The following NPIPB7 variants were observed in gnomAD, a reference collection of about 807,000 sequenced individuals.
NPIPB7 encodes the protein nuclear pore complex-interacting protein family member B7.
For synonymous variants in NPIPB7, 9 were observed against 88.1 expected (o/e 0.10, Z 5.03); for missense variants, 14 against 238.5 (o/e 0.06, Z 6.20).
At chr16:28,463,938 G>C (rs1457288185) in intron 2 of NPIPB7, among the ~76,000 whole-genome samples, 3 of 63,274 alleles carry the variant, frequency 4.7e-5, no homozygotes, top group Non-Finnish European at 7.0e-5. Flanking sequence ...GGGAGGCTGA[G>C]GCAGGAGAAC....
upstream of NPIPB7, among the ~76,000 whole-genome samples, chr16:28,471,529 T>TA (rs1376767067): frequency 1.3e-5 from 1 of 79,520 alleles, no homozygotes; most frequent in Non-Finnish European, 2.4e-5. Flanking sequence ...AGTCAATGAT[T>TA]AAAAGCTAAT....
chr16:28,470,904 C>T (rs1182543033), upstream of NPIPB7, among the ~76,000 whole-genome samples: 9 of 113,638 alleles, frequency 7.9e-5, no homozygotes, highest in African/African-American at 2.2e-4. Flanking sequence ...AAACCTTCTT[C>T]GGTCTGGGCC....
At chr16:28,464,927 G>T (rs1220297665) in intron 2 of NPIPB7, among the ~76,000 whole-genome samples, 1 of 144,828 alleles carries the variant, frequency 6.9e-6, no homozygotes, top group Admixed American at 6.9e-5. Context: ...GAGCAACCAC[G>T]TCAATCCCAC....
upstream of NPIPB7, among the ~76,000 whole-genome samples, chr16:28,470,832 G>A (rs1467778110): frequency 7.3e-6 from 1 of 136,390 alleles, no homozygotes; most frequent in African/African-American, 2.7e-5. Flanking sequence ...AGGACACGCG[G>A]GGCAAGGGAG....
chr16:28,472,015 G>T (rs2045953958), upstream of NPIPB7, among the ~76,000 whole-genome samples: 1 of 152,112 alleles, frequency 6.6e-6, no homozygotes, highest in South Asian at 2.1e-4. Flanking sequence ...GAGCAACAGA[G>T]CGAGACTCCG....
At chr16:28,472,032 A>C (rs1430155111), upstream of NPIPB7, among the ~76,000 whole-genome samples, 1 of 150,250 alleles carries the variant, frequency 6.7e-6, no homozygotes, top group Non-Finnish European at 1.5e-5. Context: ...TCCGTCTCCA[A>C]AAAAAAAAAG....
intron 1 of NPIPB7, among the ~76,000 whole-genome samples, chr16:28,468,461 A>G (rs1382406486): frequency 2.7e-5 from 4 of 150,594 alleles, no homozygotes; most frequent in Non-Finnish European, 4.5e-5. Flanking sequence ...AAAAAAAAAT[A>G]CAATGAAGAG....
At chr16:28,462,104 G>C (rs1227215282) in intron 4 of NPIPB7, among the ~76,000 whole-genome samples, 1 of 146,392 alleles carries the variant, frequency 6.8e-6, no homozygotes, top group African/African-American at 2.6e-5. Context: ...GCGACAGAGC[G>C]AGATTCTATC....
rs200437766 is a variant in NPIPB7, at chr16:28,469,113, G to A, written c.66+1260C>T. On this transcript the variant is annotated intron_variant, in intron 1 of 6. Coordinates refer to ENST00000452313, the Ensembl canonical transcript of NPIPB7. ...TGCTGAGTCTGAAATGGAAATGATGGAGTTAGAGAACCATACAACAATGGT... is the reference window on the plus strand; with the variant it reads ...TGCTGAGTCTGAAATGGAAATGATGAAGTTAGAGAACCATACAACAATGGT... Among the ~76,000 whole-genome samples the A allele has an allele frequency of 1.4e-4, 16 of 111,144 alleles. No individual in the cohort carries two copies. In the East Asian group the frequency reaches 2.5e-3, roughly 17 times the overall value. The allele number at this position is 111,144 out of a possible 152,430, so 72.9% of individuals were successfully genotyped here. A position where few individuals can be genotyped will look rare whatever the true frequency, so the allele number is the denominator to read the frequency against.
At chr16:28,471,970 C>T (rs1222428532), upstream of NPIPB7, among the ~76,000 whole-genome samples, 1 of 152,066 alleles carries the variant, frequency 6.6e-6, no homozygotes. Flanking sequence ...ATGGAGTTTG[C>T]AGTGAGCTGA....
intron 2 of NPIPB7, among the ~76,000 whole-genome samples, chr16:28,465,590 CT>C (rs2045901891): frequency 7.5e-6 from 1 of 133,246 alleles, no homozygotes; most frequent in Non-Finnish European, 1.6e-5. Context: ...GCCTAGATAT[CT>C]TCATAACTCA....
At chr16:28,470,696 G>C (rs1008354969), upstream of NPIPB7, 1 of 569,694 alleles carries the variant, frequency 1.8e-6, no homozygotes, top group African/African-American at 1.9e-5. Context: ...GGGGGCTGTT[G>C]GGCACCTGGA....
At chr16:28,472,215 C>A (rs1305389103), upstream of NPIPB7, among the ~76,000 whole-genome samples, 1 of 152,010 alleles carries the variant, frequency 6.6e-6, no homozygotes, top group East Asian at 1.9e-4. Flanking sequence ...GAGTTTGAGA[C>A]CAGACTGGGC....
intron 2 of NPIPB7, among the ~76,000 whole-genome samples, chr16:28,464,963 G>T: frequency 7.6e-6 from 1 of 131,252 alleles, no homozygotes; most frequent in Non-Finnish European, 1.6e-5. Context: ...TCATAGGAAA[G>T]GTAGCTGGCC....
intron 2 of NPIPB7, among the ~76,000 whole-genome samples, chr16:28,464,470 C>T (rs2045892680): frequency 6.6e-6 from 1 of 152,038 alleles, no homozygotes; most frequent in Admixed American, 6.6e-5. Flanking sequence ...GGTCAGATAC[C>T]TATGAATGTC....
upstream of NPIPB7, among the ~76,000 whole-genome samples, chr16:28,472,030 CAA>C (rs944388852): frequency 7.0e-6 from 1 of 142,490 alleles, no homozygotes; most frequent in Admixed American, 7.0e-5. Context: ...ACTCCGTCTC[CAA>C]AAAAAAAAAG....
upstream of NPIPB7, among the ~76,000 whole-genome samples, chr16:28,470,808 A>G (rs1347945528): frequency 9.6e-5 from 14 of 145,318 alleles, no homozygotes; most frequent in Admixed American, 3.4e-4. Context: ...CACGGAGAAG[A>G]TCAGGGAAGC....
chr16:28,463,429 A>ACACG (rs2045884081), intron 2 of NPIPB7, among the ~76,000 whole-genome samples: 1 of 112,876 alleles, frequency 8.9e-6, no homozygotes, highest in African/African-American at 3.5e-5. Context: ...ACACACACAC[A>ACACG]CACAAGAATG....
intron 4 of NPIPB7, among the ~76,000 whole-genome samples, chr16:28,462,217 C>T (rs1408228161): frequency 4.7e-5 from 7 of 148,954 alleles, no homozygotes; most frequent in African/African-American, 1.5e-4. Flanking sequence ...GTCAGAAGTT[C>T]GAGACCAGCC....
Sources: gnomAD v4.1 joint callset for allele counts (sites outside exome capture counted in the v4.1 genomes callset) on GRCh38, gnomAD v4.1.1 for gene constraint, MANE v1.5 for transcripts, NCBI Gene and HGNC (gene_info 2026-07-23, HGNC 2026-07-21) for gene names.